Variants in KDM4C observed in about 807,000 individuals in gnomAD.
The protein encoded by KDM4C is lysine demethylase 4C, also known as lysine-specific demethylase 4C.
A neutral mutation model predicts 129.3 loss-of-function variants in KDM4C; 81 were observed. That is an observed-to-expected ratio of 0.63 (90% CI 0.52 to 0.75). The LOEUF is 0.75. KDM4C is among the 30% of genes least tolerant of loss of function. KDM4C has a pLI of 0.00. For missense variants in KDM4C, 1,457 were observed against 1,304.0 expected (o/e 1.12, Z -1.81); for synonymous variants, 573 against 456.1 (o/e 1.26, Z -3.26).
chr9:6,890,482 A>T (rs988706225), intron 7 of KDM4C, among the ~76,000 whole-genome samples: 1 of 152,164 alleles, frequency 6.6e-6, no homozygotes, highest in African/African-American at 2.4e-5. Context: ...GTATGAAAAC[A>T]TAAGTGTAAT....
At chr9:7,167,245 G>A (rs916143090) in intron 20 of KDM4C, among the ~76,000 whole-genome samples, 1 of 152,168 alleles carries the variant, frequency 6.6e-6, no homozygotes, top group Non-Finnish European at 1.5e-5. Context: ...GCCCTAACTA[G>A]GGTGGACAAC....
intron 19 of KDM4C, among the ~76,000 whole-genome samples, chr9:7,130,577 T>C (rs1000627140): frequency 1.6e-4 from 25 of 152,218 alleles, no homozygotes; most frequent in African/African-American, 6.0e-4. Flanking sequence ...CAAAACTCTT[T>C]ACAGCTTGGT....
At chr9:7,170,819 C>T in intron 21 of KDM4C, 1 of 958,098 alleles carries the variant, frequency 1.0e-6, no homozygotes, top group Non-Finnish European at 1.2e-6. Flanking sequence ...TTTCTTAAAT[C>T]AGGGATGTCC....
At chr9:6,917,936 C>T (rs1220002533) in intron 8 of KDM4C, among the ~76,000 whole-genome samples, 3 of 152,208 alleles carry the variant, frequency 2.0e-5, no homozygotes, top group East Asian at 1.9e-4. Context: ...TGCATCATCA[C>T]GTTTTCCTTC....
chr9:7,129,203 A>G (rs747788074), intron 19 of KDM4C, among the ~76,000 whole-genome samples: 2 of 152,198 alleles, frequency 1.3e-5, no homozygotes, highest in Non-Finnish European at 2.9e-5. Flanking sequence ...ATTGTGTATT[A>G]TGTGCACTTG....
At chr9:6,885,954 A>G (rs1227132558) in intron 6 of KDM4C, among the ~76,000 whole-genome samples, 1 of 152,234 alleles carries the variant, frequency 6.6e-6, no homozygotes, top group Non-Finnish European at 1.5e-5. Flanking sequence ...ACAAATCTAT[A>G]TTGAAAGAAA....
rs183800596 is a variant in KDM4C at position 7,021,178 on chromosome 9, G to T, written c.2259+5249G>T. On this transcript the variant is annotated intron_variant, in intron 15 of 21. Coordinates refer to ENST00000381309, the MANE Select transcript of KDM4C (RefSeq NM_015061.6). The stretch of plus-strand genomic sequence containing the variant: ...TGTATTTTTTTTTTTTTGAGATGGG[G>T]TCTTGCTCTGTGGCCCAGGCTGCAG... 9.3e-3 allele frequency among the ~76,000 whole-genome samples: 1,399 copies of T among 150,504 alleles called. 15 individuals carry two copies. The highest frequency in any genetic ancestry group is 0.015 in the Non-Finnish European group (1,002 of 67,680).
At chr9:6,973,389 A>G (rs538628645) in intron 8 of KDM4C, among the ~76,000 whole-genome samples, 5 of 152,320 alleles carry the variant, frequency 3.3e-5, no homozygotes, top group Non-Finnish European at 5.9e-5. Flanking sequence ...GACTAAAAGC[A>G]TTACTCTCTT....
intron 1 of KDM4C, among the ~76,000 whole-genome samples, chr9:6,740,739 G>C (rs1461661209): frequency 1.5e-5 from 2 of 136,630 alleles, no homozygotes; most frequent in African/African-American, 2.8e-5. Context: ...GGCTGGTCTC[G>C]AACTCCTGAC....
intron 8 of KDM4C, among the ~76,000 whole-genome samples, chr9:6,914,005 T>G (rs1215338249): frequency 6.6e-6 from 1 of 152,230 alleles, no homozygotes; most frequent in African/African-American, 2.4e-5. Context: ...TCCATCATCC[T>G]TGTTTGCAGT....
At chr9:6,940,191 A>G (rs954881123) in intron 8 of KDM4C, among the ~76,000 whole-genome samples, 3 of 152,070 alleles carry the variant, frequency 2.0e-5, no homozygotes, top group Middle Eastern at 3.2e-3. Flanking sequence ...CCCAGGCTCA[A>G]GTGATCCTCC....
chr9:6,816,937 G>A (rs1231298628), intron 4 of KDM4C, among the ~76,000 whole-genome samples: 1 of 151,610 alleles, frequency 6.6e-6, no homozygotes, highest in Non-Finnish European at 1.5e-5. Context: ...GTATGAGGTA[G>A]TAGCACAATT....
intron 3 of KDM4C, 35 bp from the exon 4 acceptor site, chr9:6,814,596 C>G: frequency 1.5e-6 from 2 of 1,331,210 alleles, no homozygotes; most frequent in African/African-American, 1.5e-5. Flanking sequence ...AACTGACTTA[C>G]TGGTTTGTAC....
chr9:6,787,067 G>C (rs1825645096), intron 1 of KDM4C, among the ~76,000 whole-genome samples: 1 of 152,182 alleles, frequency 6.6e-6, no homozygotes, highest in Non-Finnish European at 1.5e-5. Flanking sequence ...TTTGTAGGTA[G>C]AAATAGTTTT....
chr9:6,871,985 CAAAG>C (rs1333284908), intron 5 of KDM4C, among the ~76,000 whole-genome samples: 1 of 151,882 alleles, frequency 6.6e-6, no homozygotes, highest in African/African-American at 2.4e-5. Context: ...TTATAATGGT[CAAAG>C]AAGGCTTCAA....
chr9:7,117,540 C>A (rs1012536406), intron 18 of KDM4C, among the ~76,000 whole-genome samples: 4 of 151,728 alleles, frequency 2.6e-5, no homozygotes, highest in Non-Finnish European at 5.9e-5. Flanking sequence ...ATTCCTCCAA[C>A]TTTGTTATTT....
chr9:7,062,012 G>A (rs1564065069), intron 17 of KDM4C, among the ~76,000 whole-genome samples: 3 of 152,178 alleles, frequency 2.0e-5, no homozygotes, highest in South Asian at 2.1e-4. Flanking sequence ...CTGTTGCCCA[G>A]GCTGGAGTGC....
intron 1 of KDM4C, among the ~76,000 whole-genome samples, chr9:6,731,551 C>T (rs184556468): frequency 7.0e-4 from 106 of 151,906 alleles, no homozygotes; most frequent in African/African-American, 2.4e-3. Flanking sequence ...AGGCTGGTCT[C>T]GAACTCCTGA....
At chr9:7,026,197 G>T (rs200660936) in intron 15 of KDM4C, among the ~76,000 whole-genome samples, 1 of 148,896 alleles carries the variant, frequency 6.7e-6, no homozygotes, top group East Asian at 2.0e-4. Flanking sequence ...AGAGCGAGAC[G>T]CCATCTCAAG....
Sources: allele counts gnomAD v4.1 joint callset (sites outside exome capture counted in the v4.1 genomes callset), GRCh38; gene constraint gnomAD v4.1.1; transcripts MANE v1.5; gene names NCBI Gene and HGNC (gene_info 2026-07-23, HGNC 2026-07-21).